Variants in WWOX observed in about 807,000 individuals in gnomAD.
The protein encoded by WWOX is WW domain containing oxidoreductase.
Under a neutral mutation model 46.2 loss-of-function variants are expected in WWOX, and 69 were observed. The ratio of observed to expected loss-of-function variants is 1.49; its 90% CI spans 1.23 to 1.82. WWOX has a LOEUF of 1.82. Ranked by LOEUF, WWOX falls within the 40% of genes most tolerant of loss-of-function variation. The pLI is 0.00. For missense variants in WWOX, 919 were observed against 542.6 expected (o/e 1.69, Z -6.89); for synonymous variants, 359 against 202.6 (o/e 1.77, Z -6.56).
chr16:78,201,067 A>G (rs907214190), intron 5 of WWOX, among the ~76,000 whole-genome samples: 10 of 152,216 alleles, frequency 6.6e-5, no homozygotes, highest in Non-Finnish European at 8.8e-5. Context: ...GTCTTTTACT[A>G]TGCTCGTATT....
At chr16:78,186,546 T>C (rs897990017) in intron 5 of WWOX, among the ~76,000 whole-genome samples, 1 of 152,210 alleles carries the variant, frequency 6.6e-6, no homozygotes, top group African/African-American at 2.4e-5. Flanking sequence ...GGTGGATCAC[T>C]TGTGGTCAGG....
chr16:78,781,960 A>G (rs1436249484), intron 8 of WWOX, among the ~76,000 whole-genome samples: 6 of 152,220 alleles, frequency 3.9e-5, no homozygotes, highest in Non-Finnish European at 7.3e-5. Flanking sequence ...TCATTCTCCA[A>G]GTAAGCTGAG....
Position 79,069,271 on chromosome 16 carries a change from G to C in WWOX, c.1057-142337G>C, listed in dbSNP as rs569114034. ...CGATTAATGCTGTTTAGAGTTGCCA[G>C]TTCTCTTACGCACTCAGCGAAGGCC... On this transcript the variant is annotated intron_variant, in intron 8 of 8. Transcript: ENST00000566780. Among the ~76,000 whole-genome samples, 8 of 152,320 alleles carry C rather than the reference G, an allele frequency of 5.3e-5. No homozygotes were observed. In the South Asian group the frequency reaches 1.7e-3, roughly 32 times the overall value.
At chr16:78,673,556 G>C (rs2047517448) in intron 8 of WWOX, among the ~76,000 whole-genome samples, 1 of 152,170 alleles carries the variant, frequency 6.6e-6, no homozygotes, top group South Asian at 2.1e-4. Flanking sequence ...CTTCTGGATG[G>C]TTGAAGGGGA....
At chr16:78,132,581 C>T (rs1310467526) in intron 4 of WWOX, among the ~76,000 whole-genome samples, 1 of 152,180 alleles carries the variant, frequency 6.6e-6, no homozygotes, top group Non-Finnish European at 1.5e-5. Context: ...CCAGTCCATG[C>T]TTATAACCTG....
chr16:78,543,109 G>A (rs926907820), intron 8 of WWOX, among the ~76,000 whole-genome samples: 1 of 152,242 alleles, frequency 6.6e-6, no homozygotes, highest in African/African-American at 2.4e-5. Flanking sequence ...TGTCCAGTGT[G>A]GGCTGGCATG....
At chr16:78,534,823 C>T (rs2043719434) in intron 8 of WWOX, among the ~76,000 whole-genome samples, 1 of 151,888 alleles carries the variant, frequency 6.6e-6, no homozygotes, top group Non-Finnish European at 1.5e-5. Context: ...GATTCCACTG[C>T]CCTGATCAGC....
chr16:79,106,143 C>G (rs1208107301), intron 8 of WWOX, among the ~76,000 whole-genome samples: 1 of 152,194 alleles, frequency 6.6e-6, no homozygotes, highest in Non-Finnish European at 1.5e-5. Flanking sequence ...ACTCCCCAGA[C>G]CTACTGCGTC....
intron 8 of WWOX, among the ~76,000 whole-genome samples, chr16:78,663,712 A>G (rs2047267647): frequency 6.6e-6 from 1 of 152,066 alleles, no homozygotes; most frequent in South Asian, 2.1e-4. Flanking sequence ...GGGAAAGAAA[A>G]CAGATAGTGA....
At chr16:78,563,580 G>A (rs2044492588) in intron 8 of WWOX, among the ~76,000 whole-genome samples, 1 of 138,698 alleles carries the variant, frequency 7.2e-6, no homozygotes. Flanking sequence ...TAGATTTTTA[G>A]AACCAAATGC....
intron 8 of WWOX, among the ~76,000 whole-genome samples, chr16:78,631,986 A>G (rs1006873774): frequency 1.3e-4 from 19 of 151,936 alleles, no homozygotes; most frequent in Non-Finnish European, 1.5e-4. Flanking sequence ...TACTCGGAAA[A>G]ATAAAACAAA....
Position 79,212,191 on chromosome 16 carries a change from C to G in WWOX, c.*395C>G. On this transcript the variant is annotated 3_prime_UTR_variant, in exon 9 of 9. Coordinates refer to ENST00000566780, the MANE Select transcript of WWOX (RefSeq NM_016373.4). ...GCCACCACTGCAGCCGGGGGCTGGC[C>G]TTCTCCTACTTAGGGAAGAAAAAGC... 2.1e-6 allele frequency: 3 copies of G among 1,463,186 alleles called. No homozygotes were observed. Among genetic ancestry groups the G allele is most frequent in the Non-Finnish European group, 2.7e-6 (3 of 1,115,238 alleles). The allele number at this position is 1,463,186 out of a possible 1,614,324, so 90.6% of individuals were successfully genotyped here.
intron 8 of WWOX, among the ~76,000 whole-genome samples, chr16:78,871,041 G>A (rs558765466): frequency 3.9e-5 from 6 of 152,256 alleles, no homozygotes; most frequent in South Asian, 2.1e-4. Flanking sequence ...TTAATTTCTC[G>A]AGGTAAAACA....
chr16:78,303,685 C>T (rs1443386481), intron 5 of WWOX, among the ~76,000 whole-genome samples: 2 of 152,186 alleles, frequency 1.3e-5, no homozygotes, highest in Admixed American at 1.3e-4. Flanking sequence ...GCTGGGATTA[C>T]AGGCATGCGC....
chr16:79,079,161 G>A (rs1289334108), intron 8 of WWOX, among the ~76,000 whole-genome samples: 2 of 152,176 alleles, frequency 1.3e-5, no homozygotes, highest in Non-Finnish European at 2.9e-5. Context: ...GATATTTAGG[G>A]ACACGGGCTC....
intron 8 of WWOX, among the ~76,000 whole-genome samples, chr16:78,858,867 T>G (rs191836634): frequency 4.6e-4 from 70 of 151,096 alleles, no homozygotes; most frequent in Middle Eastern, 3.4e-3. Context: ...TTTTTGTAGT[T>G]GGGGTCTCAC....
intron 8 of WWOX, among the ~76,000 whole-genome samples, chr16:78,584,731 T>C (rs958798142): frequency 6.6e-6 from 1 of 152,106 alleles, no homozygotes; most frequent in African/African-American, 2.4e-5. Context: ...CAGGGGGTGG[T>C]GATCTTAAAG....
intron 8 of WWOX, among the ~76,000 whole-genome samples, chr16:78,969,531 A>T (rs1237321756): frequency 6.6e-6 from 1 of 152,106 alleles, no homozygotes; most frequent in Non-Finnish European, 1.5e-5. Context: ...TCAGCCTCCC[A>T]AAGTGCTGGG....
At chr16:78,123,692 A>AGG in intron 4 of WWOX, 1 of 151,546 alleles carries the variant, frequency 6.6e-6, no homozygotes, top group East Asian at 1.9e-4. Flanking sequence ...TCCTGACCTC[A>AGG]TGATCCACCC....
Sources: gnomAD v4.1 joint callset for allele counts (sites outside exome capture counted in the v4.1 genomes callset) on GRCh38, gnomAD v4.1.1 for gene constraint, MANE v1.5 for transcripts, NCBI Gene and HGNC (gene_info 2026-07-23, HGNC 2026-07-21) for gene names.